The following COLGALT1 variants were observed in gnomAD, a reference collection of about 807,000 sequenced individuals.
The protein encoded by COLGALT1 is procollagen galactosyltransferase 1.
COLGALT1 carries 43 observed loss-of-function variants against 60.8 expected under a neutral mutation model. The observed-to-expected ratio is 0.71, with a 90% CI of 0.55 to 0.91. The LOEUF is 0.91. Among genes scored for constraint, COLGALT1 ranks in the 40% least tolerant of loss-of-function variants. The pLI is 0.00. For synonymous variants in COLGALT1, 369 were observed against 374.2 expected, an observed-to-expected ratio of 0.99 and a Z score of 0.16; for missense variants, 845 against 880.0, an observed-to-expected ratio of 0.96 and a Z score of 0.50.
At chr19:17,556,040 T>C (rs976285128) in intron 1 of COLGALT1, 67 bp downstream of exon 1, 11 of 1,262,246 alleles carry the variant, frequency 8.7e-6, no homozygotes, top group South Asian at 2.5e-5. Flanking sequence ...CCCATAGGGG[T>C]GGGTCCACGC....
At chr19:17,572,433 TG>T (rs1314732724) in intron 5 of COLGALT1, 49 bp from the exon 6 acceptor site, 1 of 1,611,834 alleles carries the variant, frequency 6.2e-7, no homozygotes, top group Admixed American at 1.7e-5. Context: ...CATGAGCCAC[TG>T]GGCCTCGCCT....
chr19:17,565,098 A>T (rs2076272750), intron 3 of COLGALT1, among the ~76,000 whole-genome samples: 1 of 151,920 alleles, frequency 6.6e-6, no homozygotes, highest in South Asian at 2.1e-4. Flanking sequence ...GGACCACGTT[A>T]TGTTGATCTC....
intron 1 of COLGALT1, chr19:17,556,529 G>A: frequency 3.0e-6 from 3 of 985,658 alleles, no homozygotes; most frequent in African/African-American, 1.7e-5. Flanking sequence ...GGCCCAGGAG[G>A]AAGTGGATGC....
chr19:17,579,631 G>C (rs1179815782), intron 10 of COLGALT1, 22 bp downstream of exon 10: 5 of 1,608,420 alleles, frequency 3.1e-6, no homozygotes, highest in Non-Finnish European at 4.3e-6. Flanking sequence ...TCTGAGGATG[G>C]GGTGAAGCTG....
intron 5 of COLGALT1, among the ~76,000 whole-genome samples, chr19:17,570,688 C>T (rs912197762): frequency 1.3e-5 from 2 of 152,042 alleles, no homozygotes; most frequent in African/African-American, 4.8e-5. Flanking sequence ...GCCTTAGCCT[C>T]CCTAGTAGCT....
intron 2 of COLGALT1, among the ~76,000 whole-genome samples, chr19:17,559,699 G>A (rs545395871): frequency 6.6e-6 from 1 of 152,222 alleles, no homozygotes; most frequent in South Asian, 2.1e-4. Context: ...CACTGACTCA[G>A]TCTTGGTCCC....
chr19:17,578,801 A>T (rs1352686384), intron 9 of COLGALT1, among the ~76,000 whole-genome samples: 1 of 152,164 alleles, frequency 6.6e-6, no homozygotes, highest in Admixed American at 6.5e-5. Flanking sequence ...ACCTTAGGTC[A>T]GGAGTTCAAG....
intron 1 of COLGALT1, among the ~76,000 whole-genome samples, chr19:17,556,295 C>CTAGG (rs915798141): frequency 6.6e-6 from 1 of 152,242 alleles, no homozygotes; most frequent in African/African-American, 2.4e-5. Flanking sequence ...CTGGACCCTA[C>CTAGG]TAGGGCAGCT....
chr19:17,580,820 GC>G lies in COLGALT1; in HGVS notation c.1519del (p.Arg507AlafsTer62). The G allele has an allele frequency of 6.2e-7, 1 of 1,613,846 alleles. No homozygotes were observed. Among genetic ancestry groups the G allele is most frequent in the Admixed American group, 1.7e-5 (1 of 59,976 alleles). The part of the protein sequence containing the change: ...TLAYVISLQG[A>X]RKLLAAEPLS... ...GGCCTACGTGATCTCCCTGCAAGGC[GC>G]CCGCAAACTGCTGGCTGCTGAGCCG... On this transcript the variant is annotated frameshift_variant, in exon 11 of 12. Coordinates refer to ENST00000252599, the MANE Select transcript of COLGALT1 (RefSeq NM_024656.4). LOFTEE classifies it high-confidence loss of function.
rs10423772 is a variant in COLGALT1 at position 17,578,579 on chromosome 19, G to T, written c.1266+490G>T. On this transcript the variant is annotated intron_variant, in intron 9 of 11. Transcript: ENST00000252599. Reference sequence around the variant, plus strand: ...ACTTGGGCCATCAGGGCCGGGCATGGTGGCGCACACCTGTGGTCCCAACTA... The same window carrying T: ...ACTTGGGCCATCAGGGCCGGGCATGTTGGCGCACACCTGTGGTCCCAACTA... 5.5e-3 allele frequency among the ~76,000 whole-genome samples: 842 copies of T among 152,310 alleles called. 11 individuals carry two copies. Among genetic ancestry groups the T allele is most frequent in the African/African-American group, 0.019 (798 of 41,570 alleles).
Position 17,570,333 on chromosome 19 carries a change from G to A in COLGALT1, c.829+1620G>A, listed in dbSNP as rs544559633. Among the ~76,000 whole-genome samples the A allele has an allele frequency of 4.6e-5, 7 of 151,958 alleles. No individual in the cohort carries two copies. In the East Asian group the frequency reaches 1.4e-3, roughly 29 times the overall value. ...TAGCTCACTGCAGCCTCAACCTCCT[G>A]GGCTCAAGCAATCCTCTCATCTCAG... On this transcript the variant is annotated intron_variant, in intron 5 of 11. Transcript: ENST00000252599.
rs950528700 is a variant in COLGALT1 at position 17,582,589 on chromosome 19, G to A, written c.*1145G>A. The A allele has an allele frequency of 1.3e-5, 2 of 152,294 alleles. No homozygotes were observed. Among genetic ancestry groups the A allele is most frequent in the Admixed American group, 6.5e-5 (1 of 15,288 alleles). The allele number at this position is 152,294 out of a possible 1,614,324, so 9.4% of individuals were successfully genotyped here. Reference sequence around the variant, plus strand: ...CTGGGGCACAGAGATGAACAAGATCGGTTCCTTCACTTCTTCATGCCACAA... The same window carrying A: ...CTGGGGCACAGAGATGAACAAGATCAGTTCCTTCACTTCTTCATGCCACAA... On this transcript the variant is annotated 3_prime_UTR_variant, in exon 12 of 12. Coordinates refer to ENST00000252599, the MANE Select transcript of COLGALT1 (RefSeq NM_024656.4).
intron 9 of COLGALT1, among the ~76,000 whole-genome samples, chr19:17,578,399 T>C (rs1187612131): frequency 6.6e-6 from 1 of 152,162 alleles, no homozygotes; most frequent in Non-Finnish European, 1.5e-5. Flanking sequence ...GCCTGGTCTC[T>C]GTGCTTGATG....
At chr19:17,560,217 C>A in intron 2 of COLGALT1, 131 bp from the exon 3 acceptor site, 192 of 573,226 alleles carry the variant, frequency 3.3e-4, no homozygotes, top group Middle Eastern at 1.5e-3. Flanking sequence ...TTTACTTTTT[C>A]CCATCCCTCA....
Position 17,581,587 on chromosome 19 carries a change from C to G in COLGALT1, c.*143C>G, listed in dbSNP as rs548496267. On this transcript the variant is annotated 3_prime_UTR_variant, in exon 12 of 12. Transcript: ENST00000252599. ...TGGTGTCCAGCCAGCTCTTGCTAAG[C>G]AATCACGTGCACACAGGCAGCATTA... 7.5e-6 allele frequency: 8 copies of G among 1,064,570 alleles called. No homozygotes were observed. The highest frequency in any genetic ancestry group is 1.1e-5 in the Non-Finnish European group (8 of 758,000). The allele number at this position is 1,064,570 out of a possible 1,614,324, so 65.9% of individuals were successfully genotyped here. A position where few individuals can be genotyped will look rare whatever the true frequency, so the allele number is the denominator to read the frequency against.
chr19:17,569,917 C>T (rs773553068), intron 5 of COLGALT1, among the ~76,000 whole-genome samples: 299 of 8,586 alleles, frequency 0.035, 2 homozygotes, highest in Non-Finnish European at 0.067. Flanking sequence ...TTTTTTGAGA[C>T]GGAGTCTCGC....
At chr19:17,567,609 T>TA in intron 4 of COLGALT1, 69 bp downstream of exon 4, 1 of 1,529,366 alleles carries the variant, frequency 6.5e-7, no homozygotes, top group East Asian at 2.4e-5. Context: ...GAGTGTAACT[T>TA]ACTGTCACAC....
chr19:17,563,551 G>A (rs776678100), intron 3 of COLGALT1, among the ~76,000 whole-genome samples: 5 of 152,016 alleles, frequency 3.3e-5, no homozygotes, highest in African/African-American at 9.7e-5. Context: ...GGGTTTCACC[G>A]TGTTGGCCAG....
intron 5 of COLGALT1, among the ~76,000 whole-genome samples, chr19:17,570,512 G>A (rs951873047): frequency 8.5e-5 from 13 of 152,116 alleles, no homozygotes; most frequent in East Asian, 5.8e-4. Context: ...CTCCCAAAGC[G>A]CTAGGAATAC....
Sources: gnomAD v4.1 joint callset for allele counts (sites outside exome capture counted in the v4.1 genomes callset) on GRCh38, gnomAD v4.1.1 for gene constraint, MANE v1.5 for transcripts, NCBI Gene and HGNC (gene_info 2026-07-23, HGNC 2026-07-21) for gene names.